The following AAK1 variants were observed in gnomAD, a reference collection of about 807,000 sequenced individuals.
AAK1 encodes AP2 associated kinase 1.
In AAK1, 37 loss-of-function variants were observed where a neutral mutation model predicts 116.0. The observed-to-expected ratio is 0.32, with a 90% CI of 0.25 to 0.42. AAK1 has a LOEUF of 0.42. AAK1 is among the 10% of genes least tolerant of loss of function. The probability of loss-of-function intolerance (pLI) is 1.00; values close to 1 mark genes in which losing one functional copy is unlikely to be tolerated. For synonymous variants in AAK1, 458 were observed against 439.9 expected (o/e 1.04, Z -0.51); for missense variants, 919 against 1,170.6 (o/e 0.79, Z 3.14).
chr2:69,564,650 C>G (rs1056773943), intron 2 of AAK1, among the ~76,000 whole-genome samples: 2 of 152,214 alleles, frequency 1.3e-5, no homozygotes, highest in African/African-American at 2.4e-5. Context: ...TAGAGCCCAA[C>G]AGGTTAAGTT....
chr2:69,556,938 C>T lies in AAK1; in HGVS notation c.204G>A (p.Gly68=). The T allele has an allele frequency of 6.2e-7, 1 of 1,613,918 alleles. No homozygotes were observed. The highest frequency in any genetic ancestry group is 8.5e-7 in the Non-Finnish European group (1 of 1,179,820). ...ACATGCGTTTCAAGGCACATTTCAT[C>T]CCATTGCTTGTCCTCACCAGAAATA... ...AIVFLVRTSN[G]MKCALKRMFV... Residue 68 remains glycine, a synonymous_variant, in exon 3 of 22, where the codon GGG becomes GGA. Transcript: ENST00000409085.
intron 2 of AAK1, among the ~76,000 whole-genome samples, chr2:69,572,608 A>G (rs1672132136): frequency 6.8e-6 from 1 of 148,030 alleles, no homozygotes; most frequent in Admixed American, 7.0e-5. Context: ...AACAAAAACG[A>G]AACTCTGTCT....
chr2:69,530,206 G>A (rs1670195449), intron 7 of AAK1, 66 bp from the exon 8 acceptor site: 1 of 1,482,022 alleles, frequency 6.7e-7, no homozygotes, highest in Non-Finnish European at 9.0e-7. Flanking sequence ...TGGATCTAAT[G>A]AGAAACTGGC....
At chr2:69,596,742 C>T (rs113502434) in intron 2 of AAK1, among the ~76,000 whole-genome samples, 4 of 152,288 alleles carry the variant, frequency 2.6e-5, no homozygotes, top group East Asian at 1.9e-4. Context: ...CTAGCAGTTC[C>T]CTGCTCAGGT....
intron 13 of AAK1, 172 bp from the exon 14 acceptor site, chr2:69,509,632 A>G: frequency 1.6e-6 from 1 of 620,056 alleles, no homozygotes; most frequent in South Asian, 2.0e-5. Flanking sequence ...AGGCTTTGAC[A>G]ATCTGTGCTG....
chr2:69,520,460 G>T (rs570097328), intron 11 of AAK1, among the ~76,000 whole-genome samples: 66 of 150,476 alleles, frequency 4.4e-4, no homozygotes, highest in Non-Finnish European at 5.6e-4. Flanking sequence ...CCAGGTTCAA[G>T]CGATTCTCCT....
intron 5 of AAK1, among the ~76,000 whole-genome samples, chr2:69,532,723 CTAGGT>C (rs1207089532): frequency 6.6e-6 from 1 of 152,148 alleles, no homozygotes; most frequent in Non-Finnish European, 1.5e-5. Flanking sequence ...CTTTACTACA[CTAGGT>C]TAGGATATTC....
intron 2 of AAK1, among the ~76,000 whole-genome samples, chr2:69,625,011 A>G (rs371598280): frequency 7.9e-5 from 12 of 152,374 alleles, no homozygotes; most frequent in African/African-American, 2.6e-4. Context: ...AAATGGTTAT[A>G]AACACATTTC....
chr2:69,643,702 C>A lies in AAK1; in HGVS notation c.-362G>T, dbSNP rs887291738. On this transcript the variant is annotated 5_prime_UTR_variant, in exon 1 of 22. Transcript: ENST00000409085. ...GCCGGGGCCGCGCTCGGCTCCCGCC[C>A]GCCCGCCAGCTGATCCCGGGAGCGC... 4 of 1,217,298 alleles carry A rather than the reference C, an allele frequency of 3.3e-6. No individual in the cohort carries two copies. The highest frequency in any genetic ancestry group is 3.3e-5 in the East Asian group (1 of 30,446). The allele number at this position is 1,217,298 out of a possible 1,614,324, so 75.4% of individuals were successfully genotyped here. A position where few individuals can be genotyped will look rare whatever the true frequency, so the allele number is the denominator to read the frequency against.
intron 2 of AAK1, among the ~76,000 whole-genome samples, chr2:69,582,716 T>G (rs1672600013): frequency 2.0e-5 from 3 of 152,138 alleles, no homozygotes; most frequent in Admixed American, 1.3e-4. Flanking sequence ...TAGTCCACAC[T>G]CCACAAACAG....
chr2:69,473,246 C>G lies in AAK1; in HGVS notation c.*2623G>C. The G allele has an allele frequency of 1.1e-6, 1 of 942,506 alleles. No homozygotes were observed. Among genetic ancestry groups the G allele is most frequent in the Non-Finnish European group, 1.3e-6 (1 of 790,796 alleles). The allele number at this position is 942,506 out of a possible 1,614,324, so 58.4% of individuals were successfully genotyped here. A position where few individuals can be genotyped will look rare whatever the true frequency, so the allele number is the denominator to read the frequency against. Reference sequence around the variant, plus strand: ...TCTCCCCCGACCCTGTTCAATCCAGCTCAGGTCCCACACCTGTAAAATGAA... The same window carrying G: ...TCTCCCCCGACCCTGTTCAATCCAGGTCAGGTCCCACACCTGTAAAATGAA... On this transcript the variant is annotated 3_prime_UTR_variant, in exon 22 of 22. Transcript: ENST00000409085.
At chr2:69,537,949 C>A (rs925679297) in intron 5 of AAK1, among the ~76,000 whole-genome samples, 2 of 152,208 alleles carry the variant, frequency 1.3e-5, no homozygotes, top group African/African-American at 4.8e-5. Flanking sequence ...GTCTCCTGAA[C>A]CACAGTGAAC....
At chr2:69,552,501 C>T (rs1018693973) in intron 3 of AAK1, among the ~76,000 whole-genome samples, 1 of 152,090 alleles carries the variant, frequency 6.6e-6, no homozygotes, top group African/African-American at 2.4e-5. Flanking sequence ...TCACTTGGGT[C>T]AGGAGTTGAG....
chr2:69,547,121 A>G (rs1670960722), intron 3 of AAK1, among the ~76,000 whole-genome samples: 1 of 152,212 alleles, frequency 6.6e-6, no homozygotes, highest in Admixed American at 6.5e-5. Flanking sequence ...CACACCATAT[A>G]CAAACATTAA....
chr2:69,461,524 C>A lies in AAK1; in HGVS notation c.*14345G>T. ...CAAAAAAAAAAAAAAAAGTAATTTGCATGTGTTTGCATCCGTTTCTGTATT... is the reference window on the plus strand; with the variant it reads ...CAAAAAAAAAAAAAAAAGTAATTTGAATGTGTTTGCATCCGTTTCTGTATT... On this transcript the variant is annotated 3_prime_UTR_variant, in exon 22 of 22. Transcript: ENST00000409085. 2 of 226,076 alleles carry A rather than the reference C, an allele frequency of 8.8e-6. No individual in the cohort carries two copies. The highest frequency in any genetic ancestry group is 1.8e-5 in the Non-Finnish European group (2 of 111,048). 14.0% of individuals were successfully genotyped at this position (226,076 alleles called of 1,614,324 possible).
rs34635707 is a variant in AAK1 at position 69,500,664 on chromosome 2, AATATATATATATATATAT to A, written c.2270-4602_2270-4585del. On this transcript the variant is annotated intron_variant, in intron 16 of 21. Coordinates refer to ENST00000409085, the MANE Select transcript of AAK1 (RefSeq NM_014911.5). Reference sequence around the variant, plus strand: ...GTAGCTGTGCCTTTAAGTCCCTTAAAATATATATATATATATATATATATATATATATATACACACACA... The same window carrying A: ...GTAGCTGTGCCTTTAAGTCCCTTAAAATATATATATATATATACACACACA... Among the ~76,000 whole-genome samples the A allele has an allele frequency of 2.0e-4, 12 of 60,840 alleles. No homozygotes were observed. The East Asian group carries it at 2.3e-3, about 12-fold the overall frequency. 39.9% of individuals were successfully genotyped at this position (60,840 alleles called of 152,430 possible). A position where few individuals can be genotyped will look rare whatever the true frequency, so the allele number is the denominator to read the frequency against.
chr2:69,626,603 G>A (rs1017658823), intron 2 of AAK1, among the ~76,000 whole-genome samples: 6 of 150,266 alleles, frequency 4.0e-5, no homozygotes, highest in Middle Eastern at 3.2e-3. Context: ...AGGCTCAAGC[G>A]ATCTTCCCAC....
At chr2:69,625,687 A>G (rs1159505955) in intron 2 of AAK1, among the ~76,000 whole-genome samples, 1 of 152,206 alleles carries the variant, frequency 6.6e-6, no homozygotes, top group Non-Finnish European at 1.5e-5. Flanking sequence ...CAGGAAATAT[A>G]TGTATAACAT....
intron 5 of AAK1, among the ~76,000 whole-genome samples, chr2:69,536,705 T>C (rs770485223): frequency 2.0e-4 from 31 of 152,232 alleles, no homozygotes; most frequent in Non-Finnish European, 1.6e-4. Context: ...CAAACTCTGC[T>C]TACAGCTTTA....
Sources: gnomAD v4.1 joint callset for allele counts (sites outside exome capture counted in the v4.1 genomes callset) on GRCh38, gnomAD v4.1.1 for gene constraint, MANE v1.5 for transcripts, NCBI Gene and HGNC (gene_info 2026-07-23, HGNC 2026-07-21) for gene names.